SPAG16: variants seen among roughly 807,000 people sequenced by gnomAD.
The protein encoded by SPAG16 is sperm associated antigen 16, also known as sperm-associated antigen 16 protein.
In SPAG16, 86 loss-of-function variants were observed where a neutral mutation model predicts 80.4. That is an observed-to-expected ratio of 1.07 (90% CI 0.90 to 1.28). The LOEUF (loss-of-function observed/expected upper bound fraction) is 1.28, where lower values mean the gene tolerates loss of function less well. Among genes scored for constraint, SPAG16 ranks in the 50% most tolerant of loss-of-function variants. SPAG16 has a pLI of 0.00. For synonymous variants in SPAG16, 294 were observed against 265.9 expected, an observed-to-expected ratio of 1.11 and a Z score of -1.03; for missense variants, 870 against 765.3, an observed-to-expected ratio of 1.14 and a Z score of -1.61.
chr2:214,217,039 A>G (rs1182815056), intron 15 of SPAG16, among the ~76,000 whole-genome samples: 3 of 152,230 alleles, frequency 2.0e-5, no homozygotes, highest in Non-Finnish European at 4.4e-5. Context: ...ATTAAAATCC[A>G]TTATTTCAGA....
intron 10 of SPAG16, among the ~76,000 whole-genome samples, chr2:213,601,393 C>T (rs1385599568): frequency 2.6e-5 from 4 of 152,070 alleles, no homozygotes; most frequent in Non-Finnish European, 5.9e-5. Context: ...AGTTTCTGAG[C>T]CCTAACATTG....
chr2:213,830,004 C>T (rs1235340033), intron 10 of SPAG16, among the ~76,000 whole-genome samples: 1 of 152,114 alleles, frequency 6.6e-6, no homozygotes, highest in African/African-American at 2.4e-5. Flanking sequence ...TCTTAGCCAC[C>T]ATGGCTTGTG....
At chr2:214,153,113 C>T (rs999906346) in intron 15 of SPAG16, among the ~76,000 whole-genome samples, 4 of 152,128 alleles carry the variant, frequency 2.6e-5, no homozygotes, top group South Asian at 2.1e-4. Flanking sequence ...CTCCCTTTCC[C>T]GGTCTGCTAA....
intron 13 of SPAG16, among the ~76,000 whole-genome samples, chr2:214,092,367 G>A (rs1224290096): frequency 6.6e-6 from 1 of 151,984 alleles, no homozygotes; most frequent in Non-Finnish European, 1.5e-5. Context: ...CAGGTGAATT[G>A]GTAGTTGTCA....
At chr2:213,681,767 C>T (rs2064398186) in intron 10 of SPAG16, among the ~76,000 whole-genome samples, 1 of 152,170 alleles carries the variant, frequency 6.6e-6, no homozygotes, top group Admixed American at 6.5e-5. Context: ...TTCTGCACTG[C>T]ATTTTTTTCT....
chr2:213,764,295 T>C (rs113225110), intron 10 of SPAG16, among the ~76,000 whole-genome samples: 100 of 152,318 alleles, frequency 6.6e-4, no homozygotes, highest in African/African-American at 2.3e-3. Flanking sequence ...TGGAATTTTT[T>C]TTCTTTTTTC....
intron 13 of SPAG16, among the ~76,000 whole-genome samples, chr2:214,084,557 T>G (rs2051597093): frequency 6.6e-6 from 1 of 152,214 alleles, no homozygotes; most frequent in South Asian, 2.1e-4. Flanking sequence ...TTCTTTCCTT[T>G]ATCCAACCCA....
intron 15 of SPAG16, among the ~76,000 whole-genome samples, chr2:214,284,245 A>C (rs2125918414): frequency 6.6e-6 from 1 of 152,312 alleles, no homozygotes; most frequent in East Asian, 1.9e-4. Context: ...ATTTTATGTC[A>C]GTCATATTGC....
At chr2:214,244,995 C>A (rs900722386) in intron 15 of SPAG16, among the ~76,000 whole-genome samples, 1 of 152,090 alleles carries the variant, frequency 6.6e-6, no homozygotes, top group Non-Finnish European at 1.5e-5. Context: ...TTTTACTATG[C>A]CAGGACATTC....
At chr2:213,992,898 A>C (rs1448419895) in intron 12 of SPAG16, among the ~76,000 whole-genome samples, 1 of 152,230 alleles carries the variant, frequency 6.6e-6, no homozygotes, top group Non-Finnish European at 1.5e-5. Flanking sequence ...CCTGCTGACC[A>C]GTCGTGTAAT....
At chr2:213,380,614 A>G (rs966500868) in intron 9 of SPAG16, among the ~76,000 whole-genome samples, 16 of 152,240 alleles carry the variant, frequency 1.1e-4, no homozygotes, top group Non-Finnish European at 1.8e-4. Flanking sequence ...TTCAGGTTGC[A>G]TGGTGACTTG....
rs949101744 is a variant in SPAG16 at position 214,306,219 on chromosome 2, T to C, written c.1721-103921T>C. On this transcript the variant is annotated intron_variant, in intron 15 of 15. Transcript: ENST00000331683. ...TTGGAATGATAGTGAATTTTGCACATTGATTGGGCATCCTGAGACTTTGCT... is the reference window on the plus strand; with the variant it reads ...TTGGAATGATAGTGAATTTTGCACACTGATTGGGCATCCTGAGACTTTGCT... 3.3e-5 allele frequency among the ~76,000 whole-genome samples: 5 copies of C among 152,204 alleles called. 1 individual carries two copies. Among genetic ancestry groups the C allele is most frequent in the Non-Finnish European group, 1.5e-5 (1 of 68,038 alleles).
At chr2:213,539,969 A>G (rs2076376828) in intron 10 of SPAG16, among the ~76,000 whole-genome samples, 1 of 151,828 alleles carries the variant, frequency 6.6e-6, no homozygotes, top group Non-Finnish European at 1.5e-5. Flanking sequence ...CAATTTTTAG[A>G]TAAAGGAAGT....
intron 10 of SPAG16, among the ~76,000 whole-genome samples, chr2:213,559,005 AATAG>A (rs2059518724): frequency 1.3e-5 from 2 of 152,150 alleles, no homozygotes; most frequent in African/African-American, 2.4e-5. Context: ...TACATGAAAA[AATAG>A]ATAGTAATTT....
chr2:213,492,183 C>G (rs2074264793), intron 10 of SPAG16, among the ~76,000 whole-genome samples: 1 of 135,786 alleles, frequency 7.4e-6, no homozygotes, highest in Non-Finnish European at 1.5e-5. Flanking sequence ...ACTACCAGTC[C>G]TTAACTAGAC....
At chr2:214,281,224 G>T (rs1692909627) in intron 15 of SPAG16, 1 of 323,108 alleles carries the variant, frequency 3.1e-6, no homozygotes, top group Non-Finnish European at 6.1e-6. Flanking sequence ...CAGTTCATGT[G>T]CATATGCTAT....
intron 10 of SPAG16, among the ~76,000 whole-genome samples, chr2:213,575,215 G>A (rs549061078): frequency 1.3e-5 from 2 of 152,200 alleles, no homozygotes; most frequent in South Asian, 2.1e-4. Flanking sequence ...TCAGGAAACC[G>A]AGTATTCATA....
chr2:214,370,621 A>G (rs1326544346), intron 15 of SPAG16, among the ~76,000 whole-genome samples: 1 of 152,198 alleles, frequency 6.6e-6, no homozygotes, highest in East Asian at 1.9e-4. Flanking sequence ...GCAAATTTCA[A>G]GTATACAATA....
At chr2:214,400,977 A>C (rs548820899) in intron 15 of SPAG16, among the ~76,000 whole-genome samples, 14 of 152,202 alleles carry the variant, frequency 9.2e-5, no homozygotes, top group African/African-American at 3.4e-4. Flanking sequence ...GCATTAATAT[A>C]CATAGTAAAA....
Sources: gnomAD v4.1 joint callset for allele counts (sites outside exome capture counted in the v4.1 genomes callset) on GRCh38, gnomAD v4.1.1 for gene constraint, MANE v1.5 for transcripts, NCBI Gene and HGNC (gene_info 2026-07-23, HGNC 2026-07-21) for gene names.